Variants in HCRTR2 observed in about 807,000 individuals in gnomAD.
HCRTR2 encodes hypocretin receptor 2, also known as orexin receptor type 2.
HCRTR2 carries 22 observed loss-of-function variants against 49.0 expected under a neutral mutation model. The observed-to-expected ratio is 0.45, with a 90% CI of 0.32 to 0.64. The LOEUF (loss-of-function observed/expected upper bound fraction) is 0.64, where lower values mean the gene tolerates loss of function less well. Ranked by LOEUF, HCRTR2 falls within the 30% of genes least tolerant of loss-of-function variation. HCRTR2 has a pLI of 0.04. For missense variants in HCRTR2, 491 were observed against 559.4 expected (o/e 0.88, Z 1.23); for synonymous variants, 236 against 205.3 (o/e 1.15, Z -1.28).
chr6:55,137,668 C>T (rs1457627026), intron 1 of HCRTR2, among the ~76,000 whole-genome samples: 1 of 152,144 alleles, frequency 6.6e-6, no homozygotes, highest in Non-Finnish European at 1.5e-5. Context: ...AAAGAGTGAT[C>T]TGTAGGTCAA....
At chr6:55,233,472 T>C (rs189920864) in intron 1 of HCRTR2, among the ~76,000 whole-genome samples, 306 of 152,190 alleles carry the variant, frequency 2.0e-3, no homozygotes, top group African/African-American at 7.0e-3. Flanking sequence ...AAGAAGGAAA[T>C]TGAGCCCAGG....
chr6:55,147,229 TA>T (rs549394279), intron 1 of HCRTR2, among the ~76,000 whole-genome samples: 21 of 152,144 alleles, frequency 1.4e-4, no homozygotes, highest in Non-Finnish European at 2.5e-4. Flanking sequence ...TGTGAATTCA[TA>T]TTTGGATAAA....
intron 1 of HCRTR2, among the ~76,000 whole-genome samples, chr6:55,118,696 G>A (rs1201210574): frequency 5.3e-5 from 8 of 151,692 alleles, no homozygotes; most frequent in Non-Finnish European, 7.4e-5. Context: ...CTGCATGTAC[G>A]TCATCTTTGA....
intron 1 of HCRTR2, among the ~76,000 whole-genome samples, chr6:55,141,101 G>A (rs1396774748): frequency 2.6e-5 from 4 of 151,624 alleles, no homozygotes; most frequent in African/African-American, 9.7e-5. Flanking sequence ...TTGGGAGGCC[G>A]ATGTGGGTGG....
Position 55,161,482 on chromosome 6 carries a change from T to A in HCRTR2, c.-377-12729T>A, listed in dbSNP as rs192091185. On this transcript the variant is annotated intron_variant, in intron 1 of 7. Transcript: ENST00000615358. ...AGCAGAAGACAAGAAATAACTAAGA[T>A]GAGAGCAGAACTAAGGAGAGAGAGA... is the stretch of plus-strand genomic sequence containing the variant. Among the ~76,000 whole-genome samples the A allele has an allele frequency of 2.6e-5, 4 of 151,730 alleles. No homozygotes were observed. In the East Asian group the frequency reaches 5.8e-4, roughly 22 times the overall value.
rs1767102037 is a variant in HCRTR2 at position 55,277,545 on chromosome 6, C to T, written c.928C>T (p.Leu310Phe). The change falls in exon 5 of 7, where the codon CTT becomes TTT. Residue 310 changes from leucine (L) to phenylalanine (F), a missense_variant. Transcript: ENST00000370862. Reference sequence around the variant, plus strand: ...AACAGCCCGGATGTTGATGATTGTGCTTTTGGTATTTGCAATTTGCTATCT... The same window carrying T: ...AACAGCCCGGATGTTGATGATTGTGTTTTTGGTATTTGCAATTTGCTATCT... ...RKTARMLMIV[L>F]LVFAICYLPI... 6.2e-7 allele frequency: 1 copy of T among 1,613,902 alleles called. No individual in the cohort carries two copies. Among genetic ancestry groups the T allele is most frequent in the Non-Finnish European group, 8.5e-7 (1 of 1,179,972 alleles).
intron 1 of HCRTR2, among the ~76,000 whole-genome samples, chr6:55,120,104 G>A (rs1021772845): frequency 4.6e-5 from 7 of 151,944 alleles, no homozygotes; most frequent in African/African-American, 1.7e-4. Flanking sequence ...TATTTCTGAG[G>A]CCTCTATTCT....
chr6:55,121,092 TC>T (rs1338459241), intron 1 of HCRTR2, among the ~76,000 whole-genome samples: 1 of 152,156 alleles, frequency 6.6e-6, no homozygotes, highest in East Asian at 1.9e-4. Context: ...TGATATTGAT[TC>T]TTCCTATCCA....
At chr6:55,260,934 T>C (rs758987390) in intron 3 of HCRTR2, among the ~76,000 whole-genome samples, 12 of 152,046 alleles carry the variant, frequency 7.9e-5, no homozygotes, top group Non-Finnish European at 1.6e-4. Flanking sequence ...TATGAAGTAA[T>C]GAAAAGAATA....
chr6:55,155,034 C>T (rs564760586), intron 1 of HCRTR2, among the ~76,000 whole-genome samples: 2 of 151,734 alleles, frequency 1.3e-5, no homozygotes, highest in South Asian at 4.2e-4. Flanking sequence ...AGGTGAAAGA[C>T]TTGTGTACTG....
chr6:55,142,072 G>A (rs1302585168), intron 1 of HCRTR2, among the ~76,000 whole-genome samples: 1 of 152,020 alleles, frequency 6.6e-6, no homozygotes, highest in Non-Finnish European at 1.5e-5. Flanking sequence ...CCAACATAAA[G>A]TAAATTAAAT....
At chr6:55,186,639 T>G (rs1251221954) in intron 1 of HCRTR2, among the ~76,000 whole-genome samples, 2 of 152,228 alleles carry the variant, frequency 1.3e-5, no homozygotes, top group Non-Finnish European at 2.9e-5. Flanking sequence ...GAACATGTAA[T>G]GTGCAAAACT....
At chr6:55,198,199 T>A (rs1252200095) in intron 1 of HCRTR2, among the ~76,000 whole-genome samples, 1 of 152,120 alleles carries the variant, frequency 6.6e-6, no homozygotes, top group Non-Finnish European at 1.5e-5. Context: ...AATCTGTATC[T>A]CTACCCCATC....
intron 1 of HCRTR2, among the ~76,000 whole-genome samples, chr6:55,108,101 T>C (rs1453434906): frequency 1.3e-5 from 2 of 152,164 alleles, no homozygotes; most frequent in Admixed American, 1.3e-4. Flanking sequence ...ATTTTAAAAC[T>C]GCATTTAAAA....
At chr6:55,282,155 GTACCCTATTCATAAT>G in intron 6 of HCRTR2, 55 bp from the exon 7 acceptor site, 1 of 1,118,940 alleles carries the variant, frequency 8.9e-7, no homozygotes, top group Non-Finnish European at 1.3e-6. Context: ...CAACTCAGTT[GTACCCTATTCATAAT>G]TTGTTGAAGC....
In HCRTR2 at chr6:55,277,462, C is replaced by CGAA. The variant is rs1767098970; in HGVS notation, c.847_849dup (p.Lys283dup). On this transcript the variant is annotated inframe_insertion, in exon 5 of 7. Coordinates refer to ENST00000370862, the MANE Select transcript of HCRTR2 (RefSeq NM_001384272.1). Reference sequence around the variant, plus strand: ...CAGCCTCGAGGGCCAGGACAGCCAACGAAGTCCCGGATGAGCGCTGTGGCG... The same window carrying CGAA: ...CAGCCTCGAGGGCCAGGACAGCCAACGAAGAAGTCCCGGATGAGCGCTGTGGCG... The CGAA allele has an allele frequency of 6.2e-7, 1 of 1,613,994 alleles. No individual in the cohort carries two copies. The highest frequency in any genetic ancestry group is 8.5e-7 in the Non-Finnish European group (1 of 1,180,014).
intron 1 of HCRTR2, among the ~76,000 whole-genome samples, chr6:55,208,319 TAA>T (rs561714147): frequency 4.7e-5 from 6 of 126,744 alleles, no homozygotes; most frequent in African/African-American, 9.2e-5. Flanking sequence ...CTACGAAAAA[TAA>T]AAAAATAAAA....
rs182875551 is a variant in HCRTR2 at position 55,181,567 on chromosome 6, C to T, written c.223+6757C>T. ...AATATTTATATAGTATTTTACTCTT[C>T]AGAAGATATTTGTCCATATTCTCTC... On this transcript the variant is annotated intron_variant, in intron 1 of 6. Transcript: ENST00000370862. 9.0e-3 allele frequency among the ~76,000 whole-genome samples: 1,373 copies of T among 152,242 alleles called. 8 individuals carry two copies. Among genetic ancestry groups the T allele is most frequent in the Middle Eastern group, 0.014 (4 of 294 alleles).
chr6:55,208,330 A>T (rs1029121291), intron 1 of HCRTR2, among the ~76,000 whole-genome samples: 9 of 149,266 alleles, frequency 6.0e-5, no homozygotes, highest in South Asian at 2.1e-4. Context: ...AAAAAAATAA[A>T]AAAAAAAAAA....
Sources: allele counts gnomAD v4.1 joint callset (sites outside exome capture counted in the v4.1 genomes callset), GRCh38; gene constraint gnomAD v4.1.1; transcripts MANE v1.5; gene names NCBI Gene and HGNC (gene_info 2026-07-23, HGNC 2026-07-21).